The following CDKAL1 variants were observed in gnomAD, a reference collection of about 807,000 sequenced individuals.
CDKAL1 encodes the protein threonylcarbamoyladenosine tRNA methylthiotransferase.
In CDKAL1, 32 loss-of-function variants were observed where a neutral mutation model predicts 68.2. The ratio of observed to expected loss-of-function variants is 0.47; its 90% confidence interval spans 0.35 to 0.63. The LOEUF is 0.63. CDKAL1 is among the 30% of genes least tolerant of loss of function. CDKAL1 has a pLI of 0.00. For missense variants in CDKAL1, 606 were observed against 696.7 expected (o/e 0.87, Z 1.47); for synonymous variants, 234 against 244.3 (o/e 0.96, Z 0.39).
chr6:20,853,391 C>CA (rs763959365), intron 9 of CDKAL1, among the ~76,000 whole-genome samples: 9,157 of 55,316 alleles, frequency 0.17, 368 homozygotes, highest in Non-Finnish European at 0.2. Context: ...AAAAACAAAA[C>CA]AAAAAAAAAA....
chr6:20,628,476 C>G (rs935760511), intron 4 of CDKAL1, among the ~76,000 whole-genome samples: 3 of 152,122 alleles, frequency 2.0e-5, no homozygotes, highest in Non-Finnish European at 4.4e-5. Flanking sequence ...GAATCAACTT[C>G]ATGTATTTCT....
chr6:20,959,758 A>G (rs901476475), intron 10 of CDKAL1, among the ~76,000 whole-genome samples: 2 of 152,022 alleles, frequency 1.3e-5, no homozygotes, highest in Admixed American at 6.6e-5. Context: ...TGCTAATGTA[A>G]TAACCTTTGC....
chr6:21,165,785 G>A (rs1015475236), intron 13 of CDKAL1, among the ~76,000 whole-genome samples: 4 of 152,198 alleles, frequency 2.6e-5, no homozygotes, highest in Admixed American at 2.0e-4. Flanking sequence ...TGACAGCACA[G>A]TGCATGGCAT....
At chr6:21,180,138 C>A (rs769042220) in intron 13 of CDKAL1, among the ~76,000 whole-genome samples, 1 of 152,202 alleles carries the variant, frequency 6.6e-6, no homozygotes, top group Non-Finnish European at 1.5e-5. Flanking sequence ...TGTCTACTCA[C>A]CCTGTAGGGT....
chr6:20,555,047 C>T (rs1210662444), intron 4 of CDKAL1, among the ~76,000 whole-genome samples: 1 of 152,122 alleles, frequency 6.6e-6, no homozygotes, highest in Non-Finnish European at 1.5e-5. Flanking sequence ...TTGATAGTTT[C>T]TTTGTATATG....
chr6:21,190,447 A>G lies in CDKAL1; in HGVS notation c.1300-7574A>G, dbSNP rs142749660. On this transcript the variant is annotated intron_variant, in intron 13 of 15. Coordinates refer to ENST00000274695, the MANE Select transcript of CDKAL1 (RefSeq NM_017774.3). ...CAATGGCGTGATCTCAGCTCACTGC[A>G]CCATCTGCCTCCCAGGTTCAAGCGA... Among the ~76,000 whole-genome samples, 718 of 151,414 alleles carry G rather than the reference A, an allele frequency of 4.7e-3. 7 individuals are homozygous for G. The highest frequency in any genetic ancestry group is 0.015 in the African/African-American group (638 of 41,232).
chr6:20,536,507 C>T (rs2179551), intron 2 of CDKAL1, among the ~76,000 whole-genome samples: 125,325 of 152,032 alleles, frequency 0.82, 52,276 homozygotes, highest in African/African-American at 0.96. Flanking sequence ...AAAAAAACTA[C>T]GCTTTCCCCC....
At chr6:20,775,532 G>A (rs1173428147) in intron 7 of CDKAL1, among the ~76,000 whole-genome samples, 1 of 152,148 alleles carries the variant, frequency 6.6e-6, no homozygotes, top group Non-Finnish European at 1.5e-5. Context: ...AGTATAGCAT[G>A]TTCATTTTCA....
chr6:21,210,519 TA>T (rs1439051856), intron 15 of CDKAL1, among the ~76,000 whole-genome samples: 1 of 152,174 alleles, frequency 6.6e-6, no homozygotes, highest in African/African-American at 2.4e-5. Context: ...ACCTTGATCT[TA>T]GATTTCCCAG....
intron 10 of CDKAL1, among the ~76,000 whole-genome samples, chr6:20,993,303 G>A (rs201343): frequency 0.9 from 137,201 of 152,140 alleles, 61,921 homozygotes; most frequent in Middle Eastern, 0.94. Flanking sequence ...GGTATAGTTT[G>A]TCTTTTTTTG....
At chr6:21,216,956 C>A (rs564627494) in intron 15 of CDKAL1, among the ~76,000 whole-genome samples, 5 of 152,296 alleles carry the variant, frequency 3.3e-5, no homozygotes, top group African/African-American at 1.2e-4. Flanking sequence ...GCCCTCCTGT[C>A]TCCCACAGTG....
chr6:21,200,418 A>G (rs1458755416), intron 14 of CDKAL1, among the ~76,000 whole-genome samples: 5 of 152,210 alleles, frequency 3.3e-5, no homozygotes, highest in Admixed American at 2.6e-4. Context: ...ATTTAGCTCC[A>G]AACAGCAGTG....
At chr6:20,748,646 C>T (rs866959287) in intron 6 of CDKAL1, among the ~76,000 whole-genome samples, 14 of 138,492 alleles carry the variant, frequency 1.0e-4, no homozygotes, top group Admixed American at 5.4e-4. Context: ...GACACATAGA[C>T]GAATGGGAAC....
chr6:20,555,783 C>T (rs1051867870), intron 4 of CDKAL1, among the ~76,000 whole-genome samples: 7 of 151,236 alleles, frequency 4.6e-5, no homozygotes, highest in African/African-American at 7.3e-5. Context: ...CCACCACGCC[C>T]GGCTAATTTT....
intron 9 of CDKAL1, among the ~76,000 whole-genome samples, chr6:20,890,039 C>CT (rs925118333): frequency 6.6e-6 from 1 of 152,118 alleles, no homozygotes; most frequent in African/African-American, 2.4e-5. Flanking sequence ...CATGCATGAG[C>CT]TACCGTGCCC....
chr6:20,638,900 AG>A (rs1256266059), intron 4 of CDKAL1, among the ~76,000 whole-genome samples: 2 of 152,084 alleles, frequency 1.3e-5, no homozygotes, highest in African/African-American at 4.8e-5. Flanking sequence ...CTAAAGTGCT[AG>A]GATTATAGGC....
intron 5 of CDKAL1, among the ~76,000 whole-genome samples, chr6:20,667,721 A>C (rs1769619098): frequency 6.6e-6 from 1 of 152,126 alleles, no homozygotes. Context: ...TTTGGGGACC[A>C]TGTGTAGAGG....
At chr6:21,038,491 AT>A (rs1769715821) in intron 11 of CDKAL1, among the ~76,000 whole-genome samples, 1 of 152,170 alleles carries the variant, frequency 6.6e-6, no homozygotes, top group Non-Finnish European at 1.5e-5. Context: ...GAAAGCAAAA[AT>A]TTTTTACAAA....
intron 4 of CDKAL1, among the ~76,000 whole-genome samples, chr6:20,602,553 T>C (rs1279960312): frequency 1.3e-5 from 2 of 152,238 alleles, no homozygotes; most frequent in Non-Finnish European, 1.5e-5. Flanking sequence ...TCGTGGTTAG[T>C]GGTTTATCAA....
Sources: allele counts gnomAD v4.1 joint callset (sites outside exome capture counted in the v4.1 genomes callset), GRCh38; gene constraint gnomAD v4.1.1; transcripts MANE v1.5; gene names NCBI Gene and HGNC (gene_info 2026-07-23, HGNC 2026-07-21).